The following MAML3 variants were observed in gnomAD, a reference collection of about 807,000 sequenced individuals.
The protein encoded by MAML3 is mastermind-like protein 3.
In MAML3, 27 loss-of-function variants were observed where a neutral mutation model predicts 101.9. The ratio of observed to expected loss-of-function variants is 0.27; its 90% CI spans 0.20 to 0.37. MAML3 has a LOEUF of 0.37. Among genes scored for constraint, MAML3 ranks in the 10% least tolerant of loss-of-function variants. The pLI, the probability that MAML3 is intolerant of heterozygous loss-of-function variation, is 1.00. For synonymous variants in MAML3, 501 were observed against 555.9 expected (o/e 0.90, Z 1.39); for missense variants, 1,316 against 1,444.9 (o/e 0.91, Z 1.45).
At chr4:139,970,417 T>C (rs141634386) in intron 1 of MAML3, among the ~76,000 whole-genome samples, 31 of 152,268 alleles carry the variant, frequency 2.0e-4, no homozygotes, top group African/African-American at 7.2e-4. Context: ...GGGAGGTAGA[T>C]GGTGGCTCTG....
intron 1 of MAML3, among the ~76,000 whole-genome samples, chr4:140,119,743 T>C (rs1390274690): frequency 6.6e-6 from 1 of 151,972 alleles, no homozygotes; most frequent in Non-Finnish European, 1.5e-5. Flanking sequence ...CACCTCAGCC[T>C]CCCTGCTAGC....
At chr4:140,070,499 A>C (rs2110952564) in intron 1 of MAML3, among the ~76,000 whole-genome samples, 1 of 152,348 alleles carries the variant, frequency 6.6e-6, no homozygotes, top group Middle Eastern at 3.4e-3. Context: ...AAAAGAGAAA[A>C]GCTTCAAAAC....
At chr4:139,983,523 G>T (rs1023184728) in intron 1 of MAML3, among the ~76,000 whole-genome samples, 7 of 152,000 alleles carry the variant, frequency 4.6e-5, no homozygotes, top group Non-Finnish European at 7.4e-5. Flanking sequence ...TTGATTTTTT[G>T]GATTTTGGAA....
intron 1 of MAML3, among the ~76,000 whole-genome samples, chr4:140,014,118 T>G (rs1726607111): frequency 6.6e-6 from 1 of 152,210 alleles, no homozygotes; most frequent in Non-Finnish European, 1.5e-5. Context: ...AACTTTTACA[T>G]CTTTTCTAGT....
chr4:139,858,038 G>T (rs1339800157), intron 2 of MAML3, among the ~76,000 whole-genome samples: 1 of 152,196 alleles, frequency 6.6e-6, no homozygotes, highest in Non-Finnish European at 1.5e-5. Context: ...CTGCAGACTG[G>T]AAAGAGTACT....
intron 1 of MAML3, among the ~76,000 whole-genome samples, chr4:140,104,370 A>ATATATTATATAT (rs1553976025): frequency 4.4e-5 from 1 of 22,544 alleles, no homozygotes; most frequent in Admixed American, 6.5e-4. Flanking sequence ...TTTTATATAT[A>ATATATTATATAT]TATATAATAT....
intron 1 of MAML3, among the ~76,000 whole-genome samples, chr4:139,914,181 G>A (rs936595554): frequency 3.3e-5 from 5 of 152,116 alleles, no homozygotes; most frequent in African/African-American, 1.2e-4. Context: ...ATGAAATGAG[G>A]GAGGAAATGG....
chr4:139,927,382 G>GT (rs957416823), intron 1 of MAML3, among the ~76,000 whole-genome samples: 2 of 152,276 alleles, frequency 1.3e-5, no homozygotes, highest in South Asian at 2.1e-4. Flanking sequence ...GTTTATGCTG[G>GT]TTTTTTCACT....
At position 140,118,820 on chromosome 4, in the gene MAML3, G is replaced by A. The variant is rs188828178; in HGVS notation, c.468+34040C>T. On this transcript the variant is annotated intron_variant, in intron 1 of 4. Coordinates refer to ENST00000509479, the MANE Select transcript of MAML3 (RefSeq NM_018717.5). ...CTCTCCGATTGCAAAAATAACATGC[G>A]TAAGAGCCACTTCTGATCAAGTAAC... Among the ~76,000 whole-genome samples, 293 of 152,246 alleles carry A rather than the reference G, an allele frequency of 1.9e-3. 3 individuals carry two copies. The highest frequency in any genetic ancestry group is 3.4e-3 in the Non-Finnish European group (234 of 68,016).
intron 2 of MAML3, among the ~76,000 whole-genome samples, chr4:139,753,347 T>C (rs1729562225): frequency 6.7e-6 from 1 of 149,632 alleles, no homozygotes; most frequent in Admixed American, 6.7e-5. Flanking sequence ...TTTTAATCTA[T>C]CTATCTATCT....
At chr4:139,826,270 G>A (rs961310868) in intron 2 of MAML3, among the ~76,000 whole-genome samples, 4 of 152,050 alleles carry the variant, frequency 2.6e-5, no homozygotes, top group Admixed American at 2.0e-4. Context: ...GGGCTGGCTC[G>A]CTTGTGTATG....
chr4:139,775,586 A>G (rs1237366839), intron 2 of MAML3, among the ~76,000 whole-genome samples: 1 of 152,104 alleles, frequency 6.6e-6, no homozygotes, highest in African/African-American at 2.4e-5. Context: ...TTAAACCATG[A>G]GCTGTGGGCC....
chr4:140,104,379 ATATATATATT>A (rs1560894652), intron 1 of MAML3, among the ~76,000 whole-genome samples: 2 of 102,978 alleles, frequency 1.9e-5, no homozygotes, highest in East Asian at 4.7e-4. Context: ...TATATATAAT[ATATATATATT>A]ATATATTATA....
intron 2 of MAML3, among the ~76,000 whole-genome samples, chr4:139,837,313 G>A (rs995782741): frequency 2.6e-5 from 4 of 151,520 alleles, no homozygotes; most frequent in Non-Finnish European, 4.4e-5. Context: ...TGGCTAACAC[G>A]GTGAAACCCT....
chr4:139,998,868 C>T (rs1734869128), intron 1 of MAML3, among the ~76,000 whole-genome samples: 1 of 152,096 alleles, frequency 6.6e-6, no homozygotes, highest in African/African-American at 2.4e-5. Flanking sequence ...TTAATCCTGG[C>T]TTCCTATTTG....
Position 139,730,437 on chromosome 4 carries a change from CTG to C in MAML3, c.2308_2309del (p.Gln770AlafsTer92). 6.5e-7 allele frequency: 1 copy of C among 1,531,022 alleles called. No individual in the cohort carries two copies. The highest frequency in any genetic ancestry group is 1.2e-5 in the South Asian group (1 of 82,528). The allele number at this position is 1,531,022 out of a possible 1,614,324, so 94.8% of individuals were successfully genotyped here. ...REQRQQQQQQ[Q>X]QQILAEQQLQ... ...TTACCTGTTCCGCCAAAATCTGCTG[CTG>C]CTGCTGCTGCTGCTGCTGCCTTTGC... On this transcript the variant is annotated frameshift_variant, in exon 3 of 5. Transcript: ENST00000509479. LOFTEE classifies it high-confidence loss of function.
intron 3 of MAML3, 177 bp downstream of exon 3, chr4:139,730,239 A>G: frequency 1.6e-6 from 1 of 631,658 alleles, no homozygotes; most frequent in South Asian, 2.0e-5. Context: ...CATTATAGGA[A>G]AAACCCTAAC....
intron 1 of MAML3, among the ~76,000 whole-genome samples, chr4:140,135,891 T>C (rs1246350889): frequency 6.6e-6 from 1 of 152,230 alleles, no homozygotes; most frequent in African/African-American, 2.4e-5. Flanking sequence ...GATGCGCCGG[T>C]GAAAAATGCT....
intron 4 of MAML3, among the ~76,000 whole-genome samples, chr4:139,725,405 G>A (rs1167775127): frequency 6.6e-6 from 1 of 152,132 alleles, no homozygotes; most frequent in Non-Finnish European, 1.5e-5. Context: ...TTGATATGCA[G>A]CCAACAGGCA....
Sources: allele counts gnomAD v4.1 joint callset (sites outside exome capture counted in the v4.1 genomes callset), GRCh38; gene constraint gnomAD v4.1.1; transcripts MANE v1.5; gene names NCBI Gene and HGNC (gene_info 2026-07-23, HGNC 2026-07-21).